The following NALF1 variants were observed in gnomAD, a reference collection of about 807,000 sequenced individuals.
NALF1 encodes the protein NALCN channel auxiliary factor 1, also known as family with sequence similarity 155 member A.
NALF1 carries 3 observed loss-of-function variants against 48.4 expected under a neutral mutation model. That is an observed-to-expected ratio of 0.06 (90% CI 0.03 to 0.16). The LOEUF is 0.16. NALF1 is among the 10% of genes least tolerant of loss of function. The pLI, the probability that NALF1 is intolerant of heterozygous loss-of-function variation, is 1.00. For synonymous variants in NALF1, 262 were observed against 245.7 expected (o/e 1.07, Z -0.62); for missense variants, 526 against 571.5 (o/e 0.92, Z 0.81).
rs544132812 is a variant in NALF1, at chr13:107,462,540, C to A, written c.916-251785G>T. On this transcript the variant is annotated intron_variant, in intron 1 of 2. Transcript: ENST00000375915. Reference sequence around the variant, plus strand: ...TGACACATGGCAGGTGGTGAAGGGTCAACTCAGCAGGCCCAGGCTGCCCAA... The same window carrying A: ...TGACACATGGCAGGTGGTGAAGGGTAAACTCAGCAGGCCCAGGCTGCCCAA... 4.0e-5 allele frequency among the ~76,000 whole-genome samples: 6 copies of A among 151,328 alleles called. No homozygotes were observed. The East Asian group carries it at 1.2e-3, about 29-fold the overall frequency.
intron 1 of NALF1, among the ~76,000 whole-genome samples, chr13:107,702,470 T>G (rs1215808140): frequency 6.6e-6 from 1 of 152,040 alleles, no homozygotes; most frequent in Admixed American, 6.6e-5. Context: ...ATTCTTGAAT[T>G]ATATATTTTA....
chr13:107,429,322 G>GAAA (rs11374947), intron 1 of NALF1, among the ~76,000 whole-genome samples: 3 of 135,764 alleles, frequency 2.2e-5, no homozygotes, highest in African/African-American at 8.3e-5. Context: ...AACTCAGTCT[G>GAAA]AAAAAAAAAA....
At chr13:107,310,992 A>C (rs1882033537) in intron 1 of NALF1, among the ~76,000 whole-genome samples, 1 of 152,218 alleles carries the variant, frequency 6.6e-6, no homozygotes, top group Non-Finnish European at 1.5e-5. Flanking sequence ...ATATGAGTGA[A>C]AAGACTAGTG....
intron 1 of NALF1, among the ~76,000 whole-genome samples, chr13:107,851,832 A>G (rs1465045759): frequency 1.3e-5 from 1 of 79,332 alleles, no homozygotes; most frequent in Admixed American, 1.5e-4. Flanking sequence ...TTTTTGAGAC[A>G]AATTCTTGCT....
chr13:107,863,974 T>C (rs1463196802), intron 1 of NALF1, among the ~76,000 whole-genome samples: 1 of 152,206 alleles, frequency 6.6e-6, no homozygotes, highest in Non-Finnish European at 1.5e-5. Flanking sequence ...ATATAATTAT[T>C]ACAGGGTACC....
intron 2 of NALF1, among the ~76,000 whole-genome samples, chr13:107,195,151 A>G (rs1282141015): frequency 6.6e-6 from 1 of 152,216 alleles, no homozygotes; most frequent in Non-Finnish European, 1.5e-5. Context: ...CATGTAAAAG[A>G]GTGTGGAGGT....
At chr13:107,859,640 T>C (rs747387877) in intron 1 of NALF1, among the ~76,000 whole-genome samples, 6 of 152,162 alleles carry the variant, frequency 3.9e-5, no homozygotes, top group Non-Finnish European at 7.4e-5. Flanking sequence ...CGGTGGCTCA[T>C]GCCTGTAATC....
At position 107,862,524 on chromosome 13, in the gene NALF1, T is replaced by C. The variant is rs376136845; in HGVS notation, c.915+3158A>G. 3.3e-5 allele frequency among the ~76,000 whole-genome samples: 5 copies of C among 152,224 alleles called. No individual in the cohort carries two copies. The East Asian group carries it at 7.7e-4, about 23-fold the overall frequency. On this transcript the variant is annotated intron_variant, in intron 1 of 2. Coordinates refer to ENST00000375915, the MANE Select transcript of NALF1 (RefSeq NM_001080396.3). ...ATTTATGTAATGTAGCAAAATGCTA[T>C]AGTATTAATGATATAGTCAACATCT...
At chr13:107,685,594 TTGAAA>T (rs1881414550) in intron 1 of NALF1, among the ~76,000 whole-genome samples, 1 of 152,188 alleles carries the variant, frequency 6.6e-6, no homozygotes, top group Non-Finnish European at 1.5e-5. Context: ...TGCTAGTAAC[TTGAAA>T]TGAAGAGCAG....
At chr13:107,382,482 T>C (rs1431366766) in intron 1 of NALF1, among the ~76,000 whole-genome samples, 1 of 152,230 alleles carries the variant, frequency 6.6e-6, no homozygotes, top group African/African-American at 2.4e-5. Context: ...AATGTTACCC[T>C]TCACTCAGCT....
At chr13:107,518,003 A>C (rs9520477) in intron 1 of NALF1, among the ~76,000 whole-genome samples, 7,328 of 152,254 alleles carry the variant, frequency 0.048, 258 homozygotes, top group Non-Finnish European at 0.07. Flanking sequence ...TTTGGAGTAC[A>C]GCAGAACATA....
chr13:107,544,108 A>G (rs1052146784), intron 1 of NALF1, among the ~76,000 whole-genome samples: 1 of 152,124 alleles, frequency 6.6e-6, no homozygotes, highest in Admixed American at 6.6e-5. Flanking sequence ...AATTAATGAG[A>G]TAATTGAAAT....
intron 1 of NALF1, among the ~76,000 whole-genome samples, chr13:107,811,458 C>G (rs769718506): frequency 1.3e-5 from 2 of 152,110 alleles, no homozygotes; most frequent in Non-Finnish European, 2.9e-5. Context: ...CTATATCTTA[C>G]ATTGATTGAC....
At chr13:107,298,331 CAGAG>C (rs1267176805) in intron 1 of NALF1, among the ~76,000 whole-genome samples, 4 of 93,720 alleles carry the variant, frequency 4.3e-5, no homozygotes, top group South Asian at 3.8e-4. Flanking sequence ...GCCTGGGCGA[CAGAG>C]AGAGAGACTC....
chr13:107,446,155 T>G (rs1884647058), intron 1 of NALF1, among the ~76,000 whole-genome samples: 1 of 152,138 alleles, frequency 6.6e-6, no homozygotes, highest in African/African-American at 2.4e-5. Context: ...GCCAGGATGG[T>G]CTCGATCTCT....
At chr13:107,292,432 T>A (rs1159785031) in intron 1 of NALF1, among the ~76,000 whole-genome samples, 1 of 151,346 alleles carries the variant, frequency 6.6e-6, no homozygotes, top group Non-Finnish European at 1.5e-5. Context: ...TACACAGCTG[T>A]ACAAAATATT....
intron 1 of NALF1, among the ~76,000 whole-genome samples, chr13:107,377,411 G>T (rs989785684): frequency 2.0e-5 from 3 of 152,152 alleles, no homozygotes; most frequent in African/African-American, 7.2e-5. Flanking sequence ...GTTAAAGCAG[G>T]AGGATCATGG....
At chr13:107,751,815 A>C (rs1317215528) in intron 1 of NALF1, among the ~76,000 whole-genome samples, 1 of 152,194 alleles carries the variant, frequency 6.6e-6, no homozygotes. Context: ...ATGTTTTACT[A>C]TTGACTACTA....
intron 1 of NALF1, among the ~76,000 whole-genome samples, chr13:107,485,102 G>A (rs897439615): frequency 2.6e-5 from 4 of 152,050 alleles, no homozygotes; most frequent in Admixed American, 6.6e-5. Flanking sequence ...CTTCCTAAAC[G>A]TACAGCTATG....
Sources: allele counts gnomAD v4.1 joint callset (sites outside exome capture counted in the v4.1 genomes callset), GRCh38; gene constraint gnomAD v4.1.1; transcripts MANE v1.5; gene names NCBI Gene and HGNC (gene_info 2026-07-23, HGNC 2026-07-21).